Variants in SLC41A3 observed in about 807,000 individuals in gnomAD.
The protein encoded by SLC41A3 is SLC41A1-like 2.
Under a neutral mutation model 45.4 loss-of-function variants are expected in SLC41A3, and 44 were observed. The ratio of observed to expected loss-of-function variants is 0.97; its 90% CI spans 0.76 to 1.25. The LOEUF (loss-of-function observed/expected upper bound fraction) is 1.25, where lower values mean the gene tolerates loss of function less well. Among genes scored for constraint, SLC41A3 ranks in the 50% most tolerant of loss-of-function variants. The pLI is 0.00. For missense variants in SLC41A3, 550 were observed against 600.6 expected (o/e 0.92, Z 0.88); for synonymous variants, 256 against 252.4 (o/e 1.01, Z -0.13).
chr3:126,059,233 GAGAAAGAAAGAAAGAAAGAAAGAAAGAA>G (rs1191216367), intron 2 of SLC41A3, among the ~76,000 whole-genome samples: 3 of 5,898 alleles, frequency 5.1e-4, no homozygotes, highest in African/African-American at 1.2e-3. Flanking sequence ...AAGAAAGAAA[GAGAAAGAAAGAAAGAAAGAAAGAAAGAA>G]AGAAGAAAGA....
intron 1 of SLC41A3, among the ~76,000 whole-genome samples, chr3:126,081,168 C>G (rs1945130949): frequency 6.6e-6 from 1 of 152,178 alleles, no homozygotes; most frequent in African/African-American, 2.4e-5. Flanking sequence ...CAATGGAGTA[C>G]TATTCAGCCA....
intron 1 of SLC41A3, among the ~76,000 whole-genome samples, chr3:126,082,791 A>AAGGCAGGC (rs36039407): frequency 6.6e-6 from 1 of 151,940 alleles, no homozygotes; most frequent in Non-Finnish European, 1.5e-5. Flanking sequence ...GGCTCGCCCA[A>AAGGCAGGC]AGGCAGGCAG....
At chr3:126,014,809 A>G (rs1940107317) in intron 8 of SLC41A3, among the ~76,000 whole-genome samples, 2 of 152,212 alleles carry the variant, frequency 1.3e-5, no homozygotes, top group African/African-American at 4.8e-5. Context: ...GATCACTTCC[A>G]TTTACAGAAA....
At chr3:126,047,137 C>A (rs1269988928) in intron 3 of SLC41A3, among the ~76,000 whole-genome samples, 2 of 151,974 alleles carry the variant, frequency 1.3e-5, no homozygotes, top group African/African-American at 4.8e-5. Flanking sequence ...CCAAAATGGG[C>A]AAATAGCTTG....
At chr3:126,012,119 C>T (rs1939774677) in intron 9 of SLC41A3, among the ~76,000 whole-genome samples, 2 of 152,210 alleles carry the variant, frequency 1.3e-5, no homozygotes, top group Non-Finnish European at 2.9e-5. Context: ...ACTTGCCACA[C>T]TCCTTCCTGC....
At chr3:126,052,148 A>C (rs1943375569) in intron 2 of SLC41A3, among the ~76,000 whole-genome samples, 1 of 152,158 alleles carries the variant, frequency 6.6e-6, no homozygotes, top group African/African-American at 2.4e-5. Context: ...TGGAGTTCTG[A>C]GTTTGCCCTC....
At chr3:126,100,798 T>C (rs1306434119) in intron 1 of SLC41A3, among the ~76,000 whole-genome samples, 1 of 152,138 alleles carries the variant, frequency 6.6e-6, no homozygotes, top group Non-Finnish European at 1.5e-5. Context: ...GGCCCAGCTT[T>C]AGAAGGGTAT....
chr3:126,070,679 T>G (rs1479914463), intron 1 of SLC41A3, among the ~76,000 whole-genome samples: 1 of 152,018 alleles, frequency 6.6e-6, no homozygotes, highest in Non-Finnish European at 1.5e-5. Context: ...AATTAAGAGA[T>G]TTTCAGATAA....
intron 8 of SLC41A3, among the ~76,000 whole-genome samples, chr3:126,013,088 G>C (rs990651138): frequency 1.3e-5 from 2 of 152,204 alleles, no homozygotes; most frequent in Non-Finnish European, 2.9e-5. Context: ...AGGATGAGGG[G>C]AGAGTGGATA....
At chr3:126,037,080 T>G (rs976987625) in intron 3 of SLC41A3, among the ~76,000 whole-genome samples, 4 of 152,158 alleles carry the variant, frequency 2.6e-5, no homozygotes, top group Non-Finnish European at 5.9e-5. Context: ...GTCTGGGTCA[T>G]GGGGGCAGAT....
chr3:126,016,646 C>T lies in SLC41A3; in HGVS notation c.890+85G>A. The T allele has an allele frequency of 2.7e-6, 4 of 1,505,266 alleles. No individual in the cohort carries two copies. In the South Asian group the frequency reaches 5.4e-5, roughly 20 times the overall value. 93.2% of individuals were successfully genotyped at this position (1,505,266 alleles called of 1,614,324 possible). Reference sequence around the variant, plus strand: ...GCTACATTTCACTCCATTCCTGTCCCCCAAGGCAGTGAGTGTCACCCTGGT... The same window carrying T: ...GCTACATTTCACTCCATTCCTGTCCTCCAAGGCAGTGAGTGTCACCCTGGT... On this transcript the variant is annotated intron_variant, in intron 7 of 10. Transcript: ENST00000360370.
chr3:126,068,266 G>A lies in SLC41A3; in HGVS notation c.-27-20C>T, dbSNP rs149980973. 1.4e-6 allele frequency: 2 copies of A among 1,475,904 alleles called. No individual in the cohort carries two copies. Among genetic ancestry groups the A allele is most frequent in the Non-Finnish European group, 1.8e-6 (2 of 1,115,590 alleles). 91.4% of individuals were successfully genotyped at this position (1,475,904 alleles called of 1,614,324 possible). On this transcript the variant is annotated intron_variant, in intron 1 of 10. Transcript: ENST00000360370. ...GCAGCCCTACAGTGGGAGACACAAA[G>A]TTGTAGGGCCAAGTTCCTGATTCCC... is the stretch of plus-strand genomic sequence containing the variant.
intron 3 of SLC41A3, among the ~76,000 whole-genome samples, chr3:126,034,843 G>C (rs1383321608): frequency 6.6e-6 from 1 of 152,236 alleles, no homozygotes; most frequent in East Asian, 1.9e-4. Flanking sequence ...CTGAGTATGA[G>C]TCGGAAAAGA....
At chr3:126,090,500 C>T (rs1007548081) in intron 1 of SLC41A3, among the ~76,000 whole-genome samples, 1 of 152,210 alleles carries the variant, frequency 6.6e-6, no homozygotes. Context: ...TTCTTGGCTA[C>T]AATAATCCTA....
rs1454444383 is a variant in SLC41A3 at position 126,007,151 on chromosome 3, G to A, written c.1329C>T (p.His443=). 3 of 1,614,254 alleles carry A rather than the reference G, an allele frequency of 1.9e-6. No homozygotes were observed. The highest frequency in any genetic ancestry group is 2.2e-5 in the East Asian group (1 of 44,884). The stretch of plus-strand genomic sequence containing the variant: ...CCAGCCCTGTAAGGTAGGGGATGCA[G>A]TGGTTGTCAGGATCCAGGGCCTGGT... ...TWHQALDPDN[H]CIPYLTGLGD... Residue 443 remains histidine (H), a synonymous_variant, in exon 11 of 11, where the codon CAC becomes CAT. Transcript: ENST00000360370.
In SLC41A3 at chr3:126,068,531, T is replaced by A. The variant is rs776125775; in HGVS notation, c.-27-285A>T. Among the ~76,000 whole-genome samples the A allele has an allele frequency of 2.5e-4, 38 of 151,954 alleles. No individual in the cohort carries two copies. The highest frequency in any genetic ancestry group is 5.0e-4 in the Non-Finnish European group (34 of 67,962). Reference sequence around the variant, plus strand: ...AATTCTCTCTCCTATAAAAGCAATTTAAAAAAAACCCAGCAAAAACTGTCA... The same window carrying A: ...AATTCTCTCTCCTATAAAAGCAATTAAAAAAAAACCCAGCAAAAACTGTCA... On this transcript the variant is annotated intron_variant, in intron 1 of 10. Coordinates refer to ENST00000360370, the MANE Select transcript of SLC41A3 (RefSeq NM_017836.4).
At chr3:126,081,364 G>C (rs557330037) in intron 1 of SLC41A3, among the ~76,000 whole-genome samples, 78 of 152,212 alleles carry the variant, frequency 5.1e-4, no homozygotes, top group African/African-American at 1.8e-3. Context: ...GCGGGACAGG[G>C]GGAAAAAGGG....
chr3:126,027,969 C>T (rs1432960742), intron 4 of SLC41A3, among the ~76,000 whole-genome samples: 1 of 152,190 alleles, frequency 6.6e-6, no homozygotes, highest in Non-Finnish European at 1.5e-5. Flanking sequence ...TATGAACTGG[C>T]TGTTTCTAAT....
chr3:126,063,399 T>C (rs1944174326), intron 2 of SLC41A3, among the ~76,000 whole-genome samples: 1 of 152,052 alleles, frequency 6.6e-6, no homozygotes, highest in Non-Finnish European at 1.5e-5. Context: ...CCGTGTAATA[T>C]GCAAGGGAGC....
Sources: allele counts gnomAD v4.1 joint callset (sites outside exome capture counted in the v4.1 genomes callset), GRCh38; gene constraint gnomAD v4.1.1; transcripts MANE v1.5; gene names NCBI Gene and HGNC (gene_info 2026-07-23, HGNC 2026-07-21).